The following FTCDNL1 variants were observed in gnomAD, a reference collection of about 807,000 sequenced individuals.
FTCDNL1 encodes the protein formiminotransferase cyclodeaminase N-terminal like, also known as formiminotransferase N-terminal subdomain-containing protein.
A neutral mutation model predicts 5.9 loss-of-function variants in FTCDNL1; 11 were observed. That is an observed-to-expected ratio of 1.87 (90% CI 1.18 to 3.10). The LOEUF is 3.10. FTCDNL1 is among the 30% of genes most tolerant of loss of function. The pLI, the probability that FTCDNL1 is intolerant of heterozygous loss-of-function variation, is 0.00. For missense variants in FTCDNL1, 115 were observed against 65.5 expected, an observed-to-expected ratio of 1.76 and a Z score of -2.61; for synonymous variants, 58 against 24.8, an observed-to-expected ratio of 2.34 and a Z score of -3.99.
chr2:199,676,667 G>C, the FTCDNL1 span, among the ~76,000 whole-genome samples: 2 of 152,060 alleles, frequency 1.3e-5, no homozygotes, highest in Non-Finnish European at 2.9e-5. Context: ...CACACCAGTT[G>C]ATGTTCTTAA....
chr2:199,829,794 G>A (rs933896539), intron 3 of FTCDNL1, among the ~76,000 whole-genome samples: 7 of 152,072 alleles, frequency 4.6e-5, no homozygotes, highest in South Asian at 2.1e-4. Flanking sequence ...TAACTCATTC[G>A]TTTTGTTATA....
At chr2:199,696,346 C>A in the FTCDNL1 span, among the ~76,000 whole-genome samples, 1 of 152,232 alleles carries the variant, frequency 6.6e-6, no homozygotes, top group African/African-American at 2.4e-5. Flanking sequence ...ATGGACCCTG[C>A]TGCCACCACC....
At chr2:199,739,959 C>T in the FTCDNL1 span, among the ~76,000 whole-genome samples, 2 of 152,110 alleles carry the variant, frequency 1.3e-5, 1 homozygote, top group African/African-American at 4.8e-5. Flanking sequence ...ACTCTGGGAG[C>T]CGGGCCTGCC....
chr2:199,803,446 TTTTGTTTTGTTTTGG>T (rs1700567723), intron 3 of FTCDNL1, among the ~76,000 whole-genome samples: 1 of 99,162 alleles, frequency 1.0e-5, no homozygotes, highest in Non-Finnish European at 2.3e-5. Flanking sequence ...AAGGTTATTG[TTTTGTTTTGTTTTGG>T]TTTGGTTTGG....
At chr2:199,785,249 C>CTTTTTTTTTTTTTT (rs61047289) in intron 3 of FTCDNL1, among the ~76,000 whole-genome samples, 4,246 of 76,800 alleles carry the variant, frequency 0.055, 955 homozygotes, top group East Asian at 0.14. Flanking sequence ...TTCCAAATTC[C>CTTTTTTTTTTTTTT]TTTTTTTTTT....
At chr2:199,686,751 A>G in the FTCDNL1 span, among the ~76,000 whole-genome samples, 4 of 152,212 alleles carry the variant, frequency 2.6e-5, no homozygotes, top group African/African-American at 9.6e-5. Context: ...TAATAATTAA[A>G]TAAGCGATAG....
chr2:199,749,174 G>A, the FTCDNL1 span, among the ~76,000 whole-genome samples: 16 of 152,130 alleles, frequency 1.1e-4, no homozygotes, highest in African/African-American at 3.9e-4. Context: ...CATCACCTGG[G>A]GCACATACCT....
chr2:199,843,749 G>A (rs1395218715), intron 3 of FTCDNL1, among the ~76,000 whole-genome samples: 1 of 152,130 alleles, frequency 6.6e-6, no homozygotes, highest in Non-Finnish European at 1.5e-5. Flanking sequence ...AAGATTATAA[G>A]CCTCTGCATC....
the FTCDNL1 span, among the ~76,000 whole-genome samples, chr2:199,689,321 T>C: frequency 5.9e-5 from 9 of 152,310 alleles, no homozygotes; most frequent in East Asian, 1.9e-4. Flanking sequence ...GTTGTTGATA[T>C]GAGGAAGAGG....
intron 3 of FTCDNL1, among the ~76,000 whole-genome samples, chr2:199,792,447 C>T (rs1699979187): frequency 6.6e-6 from 1 of 152,106 alleles, no homozygotes; most frequent in Non-Finnish European, 1.5e-5. Flanking sequence ...TGGCTCTTCC[C>T]TTCTGTCCTT....
the FTCDNL1 span, among the ~76,000 whole-genome samples, chr2:199,689,772 C>G: frequency 7.0e-6 from 1 of 141,974 alleles, no homozygotes; most frequent in African/African-American, 2.6e-5. Flanking sequence ...GATGGCACCA[C>G]TGTACTCCAG....
the FTCDNL1 span, among the ~76,000 whole-genome samples, chr2:199,754,451 A>C: frequency 6.6e-6 from 1 of 152,128 alleles, no homozygotes; most frequent in East Asian, 1.9e-4. Context: ...TGCAGATGGG[A>C]GGAGTCTAGT....
At chr2:199,807,865 A>G (rs951097112), downstream of FTCDNL1, among the ~76,000 whole-genome samples, 9 of 152,210 alleles carry the variant, frequency 5.9e-5, no homozygotes, top group Non-Finnish European at 1.0e-4. Context: ...GAACATATGG[A>G]TGATCTGGTT....
intron 3 of FTCDNL1, among the ~76,000 whole-genome samples, chr2:199,786,690 G>C (rs1699666698): frequency 6.6e-6 from 1 of 152,072 alleles, no homozygotes; most frequent in Non-Finnish European, 1.5e-5. Flanking sequence ...TTAATGTCTT[G>C]AGATCAGGGT....
At chr2:199,672,018 G>A in the FTCDNL1 span, among the ~76,000 whole-genome samples, 11 of 152,198 alleles carry the variant, frequency 7.2e-5, no homozygotes, top group East Asian at 3.9e-4. Flanking sequence ...ACTCTCCCAC[G>A]TTCTCGGTCA....
chr2:199,669,437 TCTC>T, the FTCDNL1 span, among the ~76,000 whole-genome samples: 1 of 152,196 alleles, frequency 6.6e-6, no homozygotes, highest in Non-Finnish European at 1.5e-5. Flanking sequence ...CCCTCCCGCC[TCTC>T]CTCATTTTAG....
At chr2:199,843,961 A>G (rs975229814) in intron 3 of FTCDNL1, among the ~76,000 whole-genome samples, 8 of 152,054 alleles carry the variant, frequency 5.3e-5, no homozygotes, top group African/African-American at 1.9e-4. Context: ...GGAAAAAAAA[A>G]AAGTCAAAGG....
At chr2:199,718,615 G>A in the FTCDNL1 span, among the ~76,000 whole-genome samples, 2 of 152,068 alleles carry the variant, frequency 1.3e-5, no homozygotes, top group Non-Finnish European at 2.9e-5. Flanking sequence ...AGTTATTTAA[G>A]GAATCTCCAT....
At chr2:199,714,376 CTTA>C in the FTCDNL1 span, among the ~76,000 whole-genome samples, 1 of 152,108 alleles carries the variant, frequency 6.6e-6, no homozygotes, top group South Asian at 2.1e-4. Context: ...ATGTTTATCT[CTTA>C]TTAACATCAG....
Sources: gnomAD v4.1 joint callset for allele counts (sites outside exome capture counted in the v4.1 genomes callset) on GRCh38, gnomAD v4.1.1 for gene constraint, MANE v1.5 for transcripts, NCBI Gene and HGNC (gene_info 2026-07-23, HGNC 2026-07-21) for gene names.